Variants in ANKMY1 observed in about 807,000 individuals in gnomAD.
ANKMY1 encodes the protein ankyrin repeat and MYND domain containing 1.
In ANKMY1, 98 loss-of-function variants were observed where a neutral mutation model predicts 102.0. That is an observed-to-expected ratio of 0.96 (90% confidence interval 0.82 to 1.14). ANKMY1 has a LOEUF of 1.14. Ranked by LOEUF, ANKMY1 falls within the 50% of genes most tolerant of loss-of-function variation. The probability of loss-of-function intolerance (pLI) is 0.00; values close to 1 mark genes in which losing one functional copy is unlikely to be tolerated. For missense variants in ANKMY1, 1,330 were observed against 1,347.6 expected (o/e 0.99, Z 0.20); for synonymous variants, 582 against 559.9 (o/e 1.04, Z -0.56).
At chr2:240,488,206 A>G (rs1214655873) in intron 15 of ANKMY1, among the ~76,000 whole-genome samples, 1 of 152,216 alleles carries the variant, frequency 6.6e-6, no homozygotes, top group Non-Finnish European at 1.5e-5. Context: ...CAATTTTCCC[A>G]GCACCATTTA....
At position 240,500,541 on chromosome 2, in the gene ANKMY1, C is replaced by T. The variant is rs773950583; in HGVS notation, c.2551G>A (p.Ala851Thr). The T allele has an allele frequency of 1.2e-6, 2 of 1,614,126 alleles. No individual in the cohort carries two copies. The highest frequency in any genetic ancestry group is 2.2e-5 in the South Asian group (2 of 91,084). Residue 851 changes from alanine to threonine, a missense_variant, in exon 14 of 18, where the codon GCC becomes ACC. Ala to Thr is a moderately conservative substitution (Grantham distance 58, BLOSUM62 0). Transcript: ENST00000401804. ...ALIDRLISHG[A>T]DILKPVMLRQ... Reference sequence around the variant, plus strand: ...AGCATTACAGGCTTCAGGATGTCGGCCCCGTGACTGATGAGTCGGTCAATC... The same window carrying T: ...AGCATTACAGGCTTCAGGATGTCGGTCCCGTGACTGATGAGTCGGTCAATC...
chr2:240,518,069 T>G (rs2081500168), intron 9 of ANKMY1, among the ~76,000 whole-genome samples: 1 of 152,178 alleles, frequency 6.6e-6, no homozygotes, highest in Non-Finnish European at 1.5e-5. Context: ...GTGGCCTGAT[T>G]CCTCATGATT....
rs1220998171 is a variant in ANKMY1 at position 240,524,063 on chromosome 2, T to C, written c.1654A>G (p.Ser552Gly). 6.2e-7 allele frequency: 1 copy of C among 1,613,948 alleles called. No homozygotes were observed. Among genetic ancestry groups the C allele is most frequent in the Non-Finnish European group, 8.5e-7 (1 of 1,180,054 alleles). ...TTGGACTCAAATTTCGTCTCAGCAC[T>C]GCACAGACTGCCCCGGTCTGTGTTT... is the stretch of plus-strand genomic sequence containing the variant. Reference protein sequence around the residue: ...LGNTDRGSLCSAETKFESNVC... With the variant: ...LGNTDRGSLCGAETKFESNVC... Residue 552 changes from serine (S) to glycine (G), a missense_variant, in exon 8 of 18, where the codon AGT (serine) becomes GGT (glycine). By Grantham distance (56) the Ser-to-Gly change is moderately conservative. Transcript: ENST00000401804.
In ANKMY1 at chr2:240,499,219, G is replaced by A. The variant is rs923488678; in HGVS notation, c.2806+739C>T. Among the ~76,000 whole-genome samples, 4 of 152,064 alleles carry A rather than the reference G, an allele frequency of 2.6e-5. No individual in the cohort carries two copies. The highest frequency in any genetic ancestry group is 3.9e-4 in the East Asian group (2 of 5,168). ...TGTGTGTGCACACACGTGTTAACAC[G>A]TGACAGGTTTTTATGTGAGGAGAGG... On this transcript the variant is annotated intron_variant, in intron 15 of 17. Transcript: ENST00000401804. The surrounding 1 kb of genome is among the most constrained non-coding windows in gnomAD (Gnocchi z 4.2).
chr2:240,507,269 A>G (rs945231488), intron 13 of ANKMY1, among the ~76,000 whole-genome samples: 1 of 152,052 alleles, frequency 6.6e-6, no homozygotes, highest in Non-Finnish European at 1.5e-5. Flanking sequence ...AGAGAAGTCC[A>G]TGAGGACCCC....
At chr2:240,545,809 A>C (rs1212812994) in intron 4 of ANKMY1, among the ~76,000 whole-genome samples, 2 of 152,154 alleles carry the variant, frequency 1.3e-5, no homozygotes, top group Non-Finnish European at 2.9e-5. Context: ...AAGTTTAGAG[A>C]AAAAAGAATA....
intron 4 of ANKMY1, among the ~76,000 whole-genome samples, chr2:240,530,185 G>A (rs534342697): frequency 8.5e-5 from 13 of 152,308 alleles, no homozygotes; most frequent in African/African-American, 1.9e-4. Context: ...ACCAGTGAGC[G>A]GCCACTGCCA....
rs970098268 is a variant in ANKMY1, at chr2:240,520,581, A to C, written c.1833-48T>G. ...GGGCCCCTGGAGGGCAGGCACCTGC[A>C]CTGCGCCCAGAACGGGGCCATGCCA... On this transcript the variant is annotated intron_variant, in intron 8 of 17. Coordinates refer to ENST00000401804, the MANE Select transcript of ANKMY1 (RefSeq NM_001282771.3). The surrounding 1 kb of genome is among the most constrained non-coding windows in gnomAD (Gnocchi z 4.8). The C allele has an allele frequency of 3.8e-6, 6 of 1,567,512 alleles. No individual in the cohort carries two copies. The African/African-American group carries it at 4.1e-5, about 11-fold the overall frequency.
downstream of ANKMY1, among the ~76,000 whole-genome samples, chr2:240,476,266 C>T (rs936299875): frequency 3.3e-5 from 5 of 152,118 alleles, no homozygotes; most frequent in South Asian, 2.1e-4. Flanking sequence ...TAGCAAATGG[C>T]GCTTGGAAAG....
In ANKMY1 at chr2:240,520,591, G is replaced by C; in HGVS notation, c.1833-58C>G. 6 of 1,541,444 alleles carry C rather than the reference G, an allele frequency of 3.9e-6. No homozygotes were observed. Among genetic ancestry groups the C allele is most frequent in the Non-Finnish European group, 5.2e-6 (6 of 1,144,336 alleles). Reference sequence around the variant, plus strand: ...AGGGCAGGCACCTGCACTGCGCCCAGAACGGGGCCATGCCAGCGAGGAGGC... The same window carrying C: ...AGGGCAGGCACCTGCACTGCGCCCACAACGGGGCCATGCCAGCGAGGAGGC... On this transcript the variant is annotated intron_variant, in intron 8 of 17. Coordinates refer to ENST00000401804, the MANE Select transcript of ANKMY1 (RefSeq NM_001282771.3). The surrounding 1 kb of genome is among the most constrained non-coding windows in gnomAD (Gnocchi z 4.8).
the ANKMY1 span, among the ~76,000 whole-genome samples, chr2:240,470,830 GTT>G: frequency 8.5e-5 from 13 of 152,204 alleles, no homozygotes; most frequent in African/African-American, 2.7e-4. Context: ...GTTTCGCAAA[GTT>G]AATACCTATC....
chr2:240,482,440 C>T (rs1348625106), intron 15 of ANKMY1, among the ~76,000 whole-genome samples, 179 bp from the exon 16 acceptor site: 2 of 152,222 alleles, frequency 1.3e-5, no homozygotes, highest in African/African-American at 2.4e-5. Context: ...GGGATGTGGA[C>T]CTGGAGGCGC....
chr2:240,473,478 C>CAAAA, the ANKMY1 span, among the ~76,000 whole-genome samples: 1,621 of 135,016 alleles, frequency 0.012, 27 homozygotes, highest in African/African-American at 0.043. Context: ...ACCAATTAAC[C>CAAAA]AAAAAAAAAA....
intron 9 of ANKMY1, among the ~76,000 whole-genome samples, chr2:240,513,189 G>A (rs181412749): frequency 1.2e-4 from 18 of 152,280 alleles, no homozygotes; most frequent in Non-Finnish European, 8.8e-5. Flanking sequence ...AGGGCCACAG[G>A]TAGGAAGGCC....
At position 240,529,058 on chromosome 2, in the gene ANKMY1, T is replaced by G. The variant is rs1018199013; in HGVS notation, c.932A>C (p.Gln311Pro). 3 of 1,614,036 alleles carry G rather than the reference T, an allele frequency of 1.9e-6. No individual in the cohort carries two copies. The highest frequency in any genetic ancestry group is 2.2e-5 in the East Asian group (1 of 44,892). Residue 311 changes from glutamine (Q) to proline (P), a missense_variant, in exon 5 of 18, where the codon CAG (glutamine) becomes CCG (proline). Transcript: ENST00000401804. The surrounding 1 kb of genome is among the most constrained non-coding windows in gnomAD (Gnocchi z 4.2). The part of the protein sequence containing the change: ...INETPLLVKI[Q>P]KQTYKFRNKP... ...TCACCTGAACTTGTAAGTTTGCTTCTGGATTTTGACCAACAAAGGGGTCTC... is the reference window on the plus strand; with the variant it reads ...TCACCTGAACTTGTAAGTTTGCTTCGGGATTTTGACCAACAAAGGGGTCTC...
intron 15 of ANKMY1, among the ~76,000 whole-genome samples, chr2:240,485,583 TC>T (rs1292921662): frequency 7.0e-6 from 1 of 142,532 alleles, no homozygotes; most frequent in Non-Finnish European, 1.5e-5. Context: ...ACATGAATCT[TC>T]TTTTTTTTTT....
intron 11 of ANKMY1, among the ~76,000 whole-genome samples, chr2:240,510,808 T>C (rs183806356): frequency 1.1e-3 from 171 of 152,300 alleles, no homozygotes; most frequent in African/African-American, 4.0e-3. Context: ...CCAATGATAG[T>C]GTCACATTCA....
the ANKMY1 span, among the ~76,000 whole-genome samples, chr2:240,471,284 G>C: frequency 2.2e-5 from 3 of 138,664 alleles, no homozygotes; most frequent in Non-Finnish European, 3.0e-5. Flanking sequence ...TTTTGAGACA[G>C]AGTATCTGTC....
In ANKMY1 at chr2:240,479,742, G is replaced by C. The variant is rs138288355; in HGVS notation, c.3047-87C>G. On this transcript the variant is annotated intron_variant, in intron 17 of 17. Coordinates refer to ENST00000401804, the MANE Select transcript of ANKMY1 (RefSeq NM_001282771.3). ...CCTGGCTCCAGAACTCGGGCTGTGT[G>C]GGGCGGCTGAGGACTGTGCTCTGTC... 2,119 of 1,247,614 alleles carry C rather than the reference G, an allele frequency of 1.7e-3. 33 individuals are homozygous for C. The African/African-American group carries it at 0.028, about 16-fold the overall frequency. 77.3% of individuals were successfully genotyped at this position (1,247,614 alleles called of 1,614,324 possible). A position where few individuals can be genotyped will look rare whatever the true frequency, so the allele number is the denominator to read the frequency against.
Sources: allele counts gnomAD v4.1 joint callset (sites outside exome capture counted in the v4.1 genomes callset), GRCh38; gene constraint gnomAD v4.1.1; non-coding constraint Gnocchi (gnomAD v3.1); transcripts MANE v1.5; gene names NCBI Gene and HGNC (gene_info 2026-07-23, HGNC 2026-07-21).